ACAD11: variants seen among roughly 807,000 people sequenced by gnomAD.
ACAD11 encodes acyl-CoA dehydrogenase family member 11.
Under a neutral mutation model 102.2 loss-of-function variants are expected in ACAD11, and 83 were observed. The ratio of observed to expected loss-of-function variants is 0.81; its 90% CI spans 0.68 to 0.97. ACAD11 has a LOEUF of 0.97. ACAD11 is among the 50% of genes least tolerant of loss of function. ACAD11 has a pLI of 0.00. For synonymous variants in ACAD11, 324 were observed against 319.8 expected (o/e 1.01, Z -0.14); for missense variants, 901 against 951.7 (o/e 0.95, Z 0.70).
chr3:132,635,396 T>C (rs1020298544), intron 5 of ACAD11, among the ~76,000 whole-genome samples: 1 of 152,344 alleles, frequency 6.6e-6, no homozygotes, highest in Admixed American at 6.5e-5. Context: ...TTGGGTAATA[T>C]GAGTTACTGG....
intron 15 of ACAD11, among the ~76,000 whole-genome samples, chr3:132,578,374 A>G (rs1198310428): frequency 1.3e-5 from 2 of 152,210 alleles, no homozygotes; most frequent in East Asian, 1.9e-4. Context: ...TTGCACTCAA[A>G]TAAGTCAAAA....
chr3:132,656,049 G>A lies in ACAD11; in HGVS notation c.149+3554C>T, dbSNP rs1937779768. Among the ~76,000 whole-genome samples the A allele has an allele frequency of 2.0e-5, 3 of 152,274 alleles. No homozygotes were observed. The South Asian group carries it at 6.2e-4, about 32-fold the overall frequency. ...AAACCCTGTATGTCCTTCCCCTTGA[G>A]TGACTACCATTCTGAATTTTATATT... is the stretch of plus-strand genomic sequence containing the variant. On this transcript the variant is annotated intron_variant, in intron 1 of 19. Coordinates refer to ENST00000264990, the MANE Select transcript of ACAD11 (RefSeq NM_032169.5).
chr3:132,588,360 C>G (rs1218443049), intron 13 of ACAD11, among the ~76,000 whole-genome samples: 3 of 152,136 alleles, frequency 2.0e-5, no homozygotes, highest in African/African-American at 7.2e-5. Context: ...TCTTCACTTA[C>G]CCAGTGTTAT....
At chr3:132,648,112 C>T (rs1940783809) in intron 1 of ACAD11, among the ~76,000 whole-genome samples, 3 of 152,058 alleles carry the variant, frequency 2.0e-5, no homozygotes, top group South Asian at 2.1e-4. Flanking sequence ...AGCCTCATGC[C>T]CTACAGAAGC....
chr3:132,659,472 G>T (rs925496678), intron 1 of ACAD11, 131 bp downstream of exon 1: 1 of 1,329,078 alleles, frequency 7.5e-7, no homozygotes, highest in Admixed American at 2.4e-5. Context: ...GCTCATGCCT[G>T]TAGGGTGCGT....
At chr3:132,590,834 C>T (rs551577120) in intron 13 of ACAD11, among the ~76,000 whole-genome samples, 12 of 152,230 alleles carry the variant, frequency 7.9e-5, no homozygotes, top group South Asian at 2.1e-4. Context: ...TCATGTCATT[C>T]GCCCACTTTT....
chr3:132,572,171 T>C (rs1484735044), intron 17 of ACAD11, among the ~76,000 whole-genome samples: 1 of 152,142 alleles, frequency 6.6e-6, no homozygotes, highest in Admixed American at 6.6e-5. Context: ...AAAACCCCAG[T>C]CTCAGCCCTA....
intron 15 of ACAD11, among the ~76,000 whole-genome samples, chr3:132,577,353 C>T (rs1937537931): frequency 6.6e-6 from 1 of 152,180 alleles, no homozygotes; most frequent in African/African-American, 2.4e-5. Flanking sequence ...AAATATTTTA[C>T]ATATGGGGTT....
rs577649377 is a variant in ACAD11, at chr3:132,617,764, G to A, written c.1414+870C>T. On this transcript the variant is annotated intron_variant, in intron 11 of 19. Coordinates refer to ENST00000264990, the MANE Select transcript of ACAD11 (RefSeq NM_032169.5). ...AAGCCCCTCTTATTTGCCCTATGAA[G>A]CTCAAAATATGAGGCCCTTGCCTCT... is the stretch of plus-strand genomic sequence containing the variant. Among the ~76,000 whole-genome samples, 7 of 152,248 alleles carry A rather than the reference G, an allele frequency of 4.6e-5. No individual in the cohort carries two copies. In the East Asian group the frequency reaches 1.4e-3, roughly 29 times the overall value.
chr3:132,639,768 C>G, intron 4 of ACAD11, 112 bp from the exon 5 acceptor site: 1 of 968,902 alleles, frequency 1.0e-6, no homozygotes, highest in Non-Finnish European at 1.5e-6. Context: ...ATACTTAAGA[C>G]CCATGCTGGT....
At chr3:132,585,796 A>G (rs1443011763) in intron 13 of ACAD11, among the ~76,000 whole-genome samples, 3 of 152,244 alleles carry the variant, frequency 2.0e-5, no homozygotes, top group Admixed American at 6.5e-5. Flanking sequence ...ATGAGATACC[A>G]TCTCACACCA....
In ACAD11 at chr3:132,583,336, A is replaced by G. The variant is rs959223826; in HGVS notation, c.1622-3778T>C. 1.1e-3 allele frequency among the ~76,000 whole-genome samples: 165 copies of G among 152,136 alleles called. 1 individual carries two copies. Among genetic ancestry groups the G allele is most frequent in the African/African-American group, 3.7e-3 (155 of 41,530 alleles). ...CTTCTAGATTTTCTAGTTTATTTGCATAGAGGTGTTTATAGTATTCTCTGA... is the reference window on the plus strand; with the variant it reads ...CTTCTAGATTTTCTAGTTTATTTGCGTAGAGGTGTTTATAGTATTCTCTGA... On this transcript the variant is annotated intron_variant, in intron 13 of 19. Coordinates refer to ENST00000264990, the MANE Select transcript of ACAD11 (RefSeq NM_032169.5).
chr3:132,566,096 T>C (rs914749627), intron 17 of ACAD11, among the ~76,000 whole-genome samples: 4 of 151,366 alleles, frequency 2.6e-5, no homozygotes, highest in African/African-American at 7.3e-5. Context: ...ATTGAAAAAA[T>C]AGAAAGCCTC....
intron 5 of ACAD11, among the ~76,000 whole-genome samples, chr3:132,637,036 T>A (rs979489407): frequency 6.6e-6 from 1 of 152,146 alleles, no homozygotes; most frequent in Non-Finnish European, 1.5e-5. Flanking sequence ...GATAAAATCA[T>A]GTGGCATAAA....
intron 1 of ACAD11, 172 bp downstream of exon 1, chr3:132,659,424 AAGCCCCC>A: frequency 1.3e-6 from 1 of 762,566 alleles, no homozygotes; most frequent in South Asian, 2.0e-5. Context: ...TCCAATTGGG[AAGCCCCC>A]AGCATCGAAT....
chr3:132,597,274 T>A (rs1405568856), intron 13 of ACAD11: 1 of 152,182 alleles, frequency 6.6e-6, no homozygotes, highest in Non-Finnish European at 1.5e-5. Context: ...TTAGGTCATT[T>A]GATTTTATAC....
At chr3:132,654,948 CTAGGCTA>C (rs1157776849) in intron 1 of ACAD11, among the ~76,000 whole-genome samples, 1 of 152,220 alleles carries the variant, frequency 6.6e-6, no homozygotes, top group African/African-American at 2.4e-5. Context: ...CCTGCTGCTC[CTAGGCTA>C]TAAACCTGTG....
At chr3:132,601,037 C>G in intron 13 of ACAD11, 7 of 1,613,898 alleles carry the variant, frequency 4.3e-6, no homozygotes, top group Non-Finnish European at 5.9e-6. Context: ...AGTACCCTTT[C>G]TTATTATGGG....
At chr3:132,642,617 T>C in intron 3 of ACAD11, 60 bp downstream of exon 3, 1 of 1,486,824 alleles carries the variant, frequency 6.7e-7, no homozygotes, top group Non-Finnish European at 9.1e-7. Context: ...TAATAAAACA[T>C]CTTAATTAAC....
Sources: gnomAD v4.1 joint callset for allele counts (sites outside exome capture counted in the v4.1 genomes callset) on GRCh38, gnomAD v4.1.1 for gene constraint, MANE v1.5 for transcripts, NCBI Gene and HGNC (gene_info 2026-07-23, HGNC 2026-07-21) for gene names.